ADAMTS7: variants seen among roughly 807,000 people sequenced by gnomAD.
ADAMTS7 encodes A disintegrin and metalloproteinase with thrombospondin motifs 7.
In ADAMTS7, 89 loss-of-function variants were observed where a neutral mutation model predicts 172.6. The observed-to-expected ratio is 0.52, with a 90% CI of 0.43 to 0.61. The LOEUF is 0.61. Among genes scored for constraint, ADAMTS7 ranks in the 20% least tolerant of loss-of-function variants. The pLI is 0.00. For synonymous variants in ADAMTS7, 885 were observed against 978.4 expected (o/e 0.90, Z 1.78); for missense variants, 1,973 against 2,355.6 (o/e 0.84, Z 3.36).
At chr15:78,811,061 A>C in intron 1 of ADAMTS7, 60 bp downstream of exon 1, 1 of 1,224,456 alleles carries the variant, frequency 8.2e-7, no homozygotes, top group East Asian at 3.2e-5. Flanking sequence ...GACAAAACCG[A>C]GACTGGGGGA....
At chr15:78,767,227 T>G in intron 18 of ADAMTS7, 152 bp downstream of exon 18, 1 of 1,184,016 alleles carries the variant, frequency 8.4e-7, no homozygotes, top group South Asian at 1.5e-5. Flanking sequence ...GCCAGGGGCT[T>G]CCTGATCCCT....
chr15:78,766,230 T>A lies in ADAMTS7; in HGVS notation c.3681A>T (p.Arg1227=), dbSNP rs1809421. ...VFKDDEEPKG[R]GAPHLPPRPS... ...GTCTCGGGGGCAGGTGGGGTGCTCC[T>A]CGGCCCTTGGGTTCCTCATCATCCT... The change falls in exon 19 of 24, where the codon CGA becomes CGT. Residue 1227 remains arginine (R), a synonymous_variant. Transcript: ENST00000388820. 145 of 1,611,936 alleles carry A rather than the reference T, an allele frequency of 9.0e-5. No homozygotes were observed. The African/African-American group carries it at 9.1e-4, about 10-fold the overall frequency.
rs758238548 is a variant in ADAMTS7, at chr15:78,787,347, G to GAAAAA, written c.1322+879_1322+883dup. Among the ~76,000 whole-genome samples the GAAAAA allele has an allele frequency of 5.6e-5, 6 of 106,492 alleles. 1 individual carries two copies. The highest frequency in any genetic ancestry group is 1.5e-4 in the African/African-American group (4 of 26,164). 69.9% of individuals were successfully genotyped at this position (106,492 alleles called of 152,430 possible). ...ACTTAGAACATTAAATAGCAAATTT[G>GAAAAA]AAAAAAAAAAAACAAAAAAACACCA... On this transcript the variant is annotated intron_variant, in intron 8 of 23. Transcript: ENST00000388820.
chr15:78,793,198 T>G (rs2055603663), intron 4 of ADAMTS7, among the ~76,000 whole-genome samples: 1 of 152,050 alleles, frequency 6.6e-6, no homozygotes, highest in Admixed American at 6.5e-5. Context: ...AAAGAGAGGG[T>G]AAAACTGGGC....
rs371089451 is a variant in ADAMTS7, at chr15:78,788,414, G to C, written c.1179-40C>G. 1.9e-6 allele frequency: 3 copies of C among 1,604,014 alleles called. No individual in the cohort carries two copies. In the East Asian group the frequency reaches 6.7e-5, roughly 36 times the overall value. ...AGGCCCCAGGGGCGGGTGAGCCGGC[G>C]GGAGGCTGCCAGCCTGCCCTCCCCT... is the stretch of plus-strand genomic sequence containing the variant. On this transcript the variant is annotated intron_variant, in intron 7 of 23. Transcript: ENST00000388820.
At position 78,811,422 on chromosome 15, in the gene ADAMTS7, C is replaced by A; in HGVS notation, c.-202G>T. The A allele has an allele frequency of 4.9e-6, 2 of 412,142 alleles. No individual in the cohort carries two copies. Among genetic ancestry groups the A allele is most frequent in the Non-Finnish European group, 8.1e-6 (2 of 248,178 alleles). The allele number at this position is 412,142 out of a possible 1,614,324, so 25.5% of individuals were successfully genotyped here. ...CCCGCCCCCTTGGCCGCTGCAGAGG[C>A]AAAGAAAAGACAAGAGAGCTAGAAG... On this transcript the variant is annotated 5_prime_UTR_variant, in exon 1 of 24. Coordinates refer to ENST00000388820, the MANE Select transcript of ADAMTS7 (RefSeq NM_014272.5).
rs139616276 is a variant in ADAMTS7 at position 78,786,576 on chromosome 15, G to A, written c.1322+1655C>T. ...GTTAACACCCCTGTATTAGCCAATC[G>A]CTATGCAGAAAATGAAGACACGGGA... On this transcript the variant is annotated intron_variant, in intron 8 of 23. Coordinates refer to ENST00000388820, the MANE Select transcript of ADAMTS7 (RefSeq NM_014272.5). Among the ~76,000 whole-genome samples the A allele has an allele frequency of 7.2e-4, 110 of 152,234 alleles. 1 individual carries two copies. The highest frequency in any genetic ancestry group is 2.3e-3 in the African/African-American group (95 of 41,516).
intron 4 of ADAMTS7, among the ~76,000 whole-genome samples, chr15:78,793,561 T>G (rs2055607718): frequency 6.6e-6 from 1 of 152,160 alleles, no homozygotes; most frequent in South Asian, 2.1e-4. Flanking sequence ...GTGGCCAAAC[T>G]TATTCAACAG....
chr15:78,810,999 G>T, intron 1 of ADAMTS7, 122 bp downstream of exon 1: 1 of 1,078,648 alleles, frequency 9.3e-7, no homozygotes, highest in South Asian at 4.7e-5. Flanking sequence ...CGGAAGACGC[G>T]ACCAACTCCA....
At position 78,759,265 on chromosome 15, in the gene ADAMTS7, A is replaced by G. The variant is rs2055000039; in HGVS notation, c.*156T>C. ...TAATAAATGTTACACAAACTGTTAG[A>G]ATAAAAAAATACCTTTTTTGAGGGG... On this transcript the variant is annotated 3_prime_UTR_variant, in exon 24 of 24. Transcript: ENST00000388820. 3.3e-6 allele frequency: 2 copies of G among 605,940 alleles called. No homozygotes were observed. The highest frequency in any genetic ancestry group is 2.7e-6 in the Non-Finnish European group (1 of 373,104). The allele number at this position is 605,940 out of a possible 1,614,324, so 37.5% of individuals were successfully genotyped here. A position where few individuals can be genotyped will look rare whatever the true frequency, so the allele number is the denominator to read the frequency against.
At chr15:78,760,829 G>A (rs778821755) in intron 23 of ADAMTS7, among the ~76,000 whole-genome samples, 3 of 151,968 alleles carry the variant, frequency 2.0e-5, no homozygotes, top group Non-Finnish European at 4.4e-5. Context: ...CACCTAACCA[G>A]CCCCCATAGC....
Position 78,763,857 on chromosome 15 carries a change from G to A in ADAMTS7, c.4594-12C>T, listed in dbSNP as rs2055091683. 1.9e-6 allele frequency: 3 copies of A among 1,580,894 alleles called. No homozygotes were observed. In the East Asian group the frequency reaches 6.8e-5, roughly 36 times the overall value. Reference sequence around the variant, plus strand: ...CAGGCCTCGGAGCACTGGGTGGGCAGGGAAGGAGTCAGGGCACAGCCAGGG... The same window carrying A: ...CAGGCCTCGGAGCACTGGGTGGGCAAGGAAGGAGTCAGGGCACAGCCAGGG... On this transcript the variant is annotated splice_polypyrimidine_tract_variant and intron_variant, in intron 21 of 23. Coordinates refer to ENST00000388820, the MANE Select transcript of ADAMTS7 (RefSeq NM_014272.5).
At chr15:78,808,217 G>A (rs1301707140) in intron 1 of ADAMTS7, among the ~76,000 whole-genome samples, 1 of 152,058 alleles carries the variant, frequency 6.6e-6, no homozygotes, top group Non-Finnish European at 1.5e-5. Flanking sequence ...CACTTTTATT[G>A]CAATAATTTT....
rs1216857182 is a variant in ADAMTS7 at position 78,806,091 on chromosome 15, AACACACACAC to A, written c.100+5020_100+5029del. On this transcript the variant is annotated intron_variant, in intron 1 of 23. Transcript: ENST00000388820. ...CGAGACTCTGACTCCCCCCCCCAAA[AACACACACAC>A]ACACACACACACACACACACACACA... Among the ~76,000 whole-genome samples the A allele has an allele frequency of 0.013, 344 of 27,426 alleles. 27 individuals carry two copies. The East Asian group carries it at 0.18, about 14-fold the overall frequency. The allele number at this position is 27,426 out of a possible 152,430, so 18.0% of individuals were successfully genotyped here.
intron 3 of ADAMTS7, 127 bp downstream of exon 3, chr15:78,797,821 T>C (rs1356295399): frequency 2.8e-6 from 3 of 1,078,066 alleles, no homozygotes; most frequent in African/African-American, 3.3e-5. Context: ...AAAGTATCCA[T>C]CTGTCTGTCT....
chr15:78,776,282 C>A lies in ADAMTS7; in HGVS notation c.1612G>T (p.Asp538Tyr). The part of the protein sequence containing the change: ...VPVGFRPEAV[D>Y]GGWSGWSAWS... ...GCGCTCCAGCCAGACCAGCCACCAT[C>A]CACGGCCTCGGGCCGGAAGCCCACG... The change falls in exon 11 of 24, where the codon GAT becomes TAT. Residue 538 changes from aspartate to tyrosine, a missense_variant. Transcript: ENST00000388820. 1 of 1,611,980 alleles carries A rather than the reference C, an allele frequency of 6.2e-7. No individual in the cohort carries two copies. The highest frequency in any genetic ancestry group is 8.5e-7 in the Non-Finnish European group (1 of 1,179,852).
chr15:78,798,576 T>G (rs542854413), intron 2 of ADAMTS7, among the ~76,000 whole-genome samples: 1 of 152,198 alleles, frequency 6.6e-6, no homozygotes, highest in Admixed American at 6.5e-5. Context: ...TCTATCTCCC[T>G]AAGGCAATGA....
chr15:78,768,182 G>T lies in ADAMTS7; in HGVS notation c.2596C>A (p.Arg866=), dbSNP rs146487400. ...VDEEHCDPLG[R]PDDQQRKCSE... Reference sequence around the variant, plus strand: ...CACTTCCTCTGTTGGTCATCAGGCCGGCCCAGGGGGTCACAGTGCTCCTCG... The same window carrying T: ...CACTTCCTCTGTTGGTCATCAGGCCTGCCCAGGGGGTCACAGTGCTCCTCG... Residue 866 remains arginine (R), a synonymous_variant, in exon 17 of 24, where the codon CGG becomes AGG. Coordinates refer to ENST00000388820, the MANE Select transcript of ADAMTS7 (RefSeq NM_014272.5). 6.2e-7 allele frequency: 1 copy of T among 1,609,280 alleles called. No homozygotes were observed. The highest frequency in any genetic ancestry group is 8.5e-7 in the Non-Finnish European group (1 of 1,179,304).
intron 8 of ADAMTS7, among the ~76,000 whole-genome samples, chr15:78,785,561 A>AG (rs1183821895): frequency 2.7e-5 from 4 of 146,550 alleles, no homozygotes; most frequent in African/African-American, 9.9e-5. Context: ...AAAAAAAAAA[A>AG]AAGAAAAGAA....
Sources: gnomAD v4.1 joint callset for allele counts (sites outside exome capture counted in the v4.1 genomes callset) on GRCh38, gnomAD v4.1.1 for gene constraint, MANE v1.5 for transcripts, NCBI Gene and HGNC (gene_info 2026-07-23, HGNC 2026-07-21) for gene names.